Variants in ROR2 observed in about 807,000 individuals in gnomAD.
ROR2 encodes the protein tyrosine-protein kinase transmembrane receptor ROR2.
ROR2 carries 33 observed loss-of-function variants against 74.9 expected under a neutral mutation model. The ratio of observed to expected loss-of-function variants is 0.44; its 90% CI spans 0.33 to 0.59. ROR2 has a LOEUF of 0.59. Ranked by LOEUF, ROR2 falls within the 20% of genes least tolerant of loss-of-function variation. ROR2 has a pLI of 0.02. For synonymous variants in ROR2, 586 were observed against 558.7 expected (o/e 1.05, Z -0.69); for missense variants, 1,216 against 1,313.8 (o/e 0.93, Z 1.15).
At chr9:91,818,456 C>A (rs1828018065) in intron 1 of ROR2, among the ~76,000 whole-genome samples, 1 of 150,984 alleles carries the variant, frequency 6.6e-6, no homozygotes, top group Non-Finnish European at 1.5e-5. Flanking sequence ...CCACCACGCC[C>A]CCCCACCCCA....
At chr9:91,891,269 T>C (rs1480130269) in intron 1 of ROR2, among the ~76,000 whole-genome samples, 3 of 126,664 alleles carry the variant, frequency 2.4e-5, no homozygotes, top group Non-Finnish European at 5.0e-5. Context: ...TTTTTTTTTT[T>C]CTTCTTTTGA....
intron 1 of ROR2, among the ~76,000 whole-genome samples, chr9:91,946,658 G>A (rs987737073): frequency 4.6e-5 from 7 of 152,294 alleles, no homozygotes; most frequent in Admixed American, 1.3e-4. Flanking sequence ...ACTCTCCAAG[G>A]GAAAGGATTA....
chr9:91,905,214 CCAAACACCACTCAACA>C lies in ROR2; in HGVS notation c.97+44637_97+44652del, dbSNP rs1247327943. Reference sequence around the variant, plus strand: ...CACATACACAAACACCACATATACACCAAACACCACTCAACACAAACACCACATACAACACATACAC... The same window carrying C: ...CACATACACAAACACCACATATACACCAAACACCACATACAACACATACAC... On this transcript the variant is annotated intron_variant, in intron 1 of 8. Transcript: ENST00000375708. This position sits in a 1 kb window ranked among gnomAD's most constrained non-coding sequence, Gnocchi z 5.3. 1.3e-5 allele frequency among the ~76,000 whole-genome samples: 2 copies of C among 151,038 alleles called. No homozygotes were observed.
At chr9:91,753,094 T>C (rs1043654410) in intron 4 of ROR2, among the ~76,000 whole-genome samples, 1 of 152,222 alleles carries the variant, frequency 6.6e-6, no homozygotes, top group Non-Finnish European at 1.5e-5. Context: ...CAAACTGACC[T>C]AAAAATTCAT....
At chr9:91,841,921 C>T (rs565629305) in intron 1 of ROR2, among the ~76,000 whole-genome samples, 1 of 152,340 alleles carries the variant, frequency 6.6e-6, no homozygotes, top group South Asian at 2.1e-4. Context: ...TCTCTGTCTG[C>T]ATTTTCCAAA....
intron 4 of ROR2, among the ~76,000 whole-genome samples, chr9:91,738,157 G>A (rs973115500): frequency 5.3e-5 from 8 of 152,288 alleles, no homozygotes; most frequent in Admixed American, 4.6e-4. Context: ...ACTGATTTTA[G>A]TTAATAATAA....
At chr9:91,781,810 A>G (rs1214667781) in intron 1 of ROR2, among the ~76,000 whole-genome samples, 1 of 152,208 alleles carries the variant, frequency 6.6e-6, no homozygotes. Context: ...AAATGGAGTA[A>G]CCGTTTCACC....
chr9:91,744,428 T>C (rs1825345735), intron 4 of ROR2, among the ~76,000 whole-genome samples: 1 of 151,936 alleles, frequency 6.6e-6, no homozygotes, highest in Admixed American at 6.6e-5. Context: ...TCATCATATG[T>C]TGGCCAGGCT....
At chr9:91,926,362 G>A (rs1219759681) in intron 1 of ROR2, among the ~76,000 whole-genome samples, 2 of 148,816 alleles carry the variant, frequency 1.3e-5, no homozygotes, top group Admixed American at 6.8e-5. Flanking sequence ...TAGCCTGGGC[G>A]ACAGAGCAAG....
Position 91,755,383 on chromosome 9 carries a change from C to CCAA in ROR2, c.494+687_494+688insTTG, listed in dbSNP as rs1337429342. ...AGTGAAGCACTGCTCTCCAATATGTCTGAGGAGGAAATGCAGGAAACCCGG... is the reference window on the plus strand; with the variant it reads ...AGTGAAGCACTGCTCTCCAATATGTCCAATGAGGAGGAAATGCAGGAAACCCGG... On this transcript the variant is annotated intron_variant, in intron 4 of 8. Coordinates refer to ENST00000375708, the MANE Select transcript of ROR2 (RefSeq NM_004560.4). Among the ~76,000 whole-genome samples the CCAA allele has an allele frequency of 7.2e-5, 11 of 152,330 alleles. No homozygotes were observed. The East Asian group carries it at 1.7e-3, about 24-fold the overall frequency.
chr9:91,921,826 A>C (rs928694177), intron 1 of ROR2, among the ~76,000 whole-genome samples: 2 of 147,800 alleles, frequency 1.4e-5, no homozygotes. Context: ...GCGCCACTGC[A>C]CTCCAGCCTG....
intron 1 of ROR2, among the ~76,000 whole-genome samples, chr9:91,835,580 C>T (rs1828588359): frequency 6.6e-6 from 1 of 152,174 alleles, no homozygotes; most frequent in South Asian, 2.1e-4. Flanking sequence ...GAAAATGTTC[C>T]CAGTAAGGCT....
chr9:91,757,431 C>T lies in ROR2; in HGVS notation c.304G>A (p.Val102Met). The T allele has an allele frequency of 1.2e-6, 2 of 1,613,964 alleles. No homozygotes were observed. Among genetic ancestry groups the T allele is most frequent in the East Asian group, 2.2e-5 (1 of 44,858 alleles). Residue 102 changes from valine (V) to methionine (M), a missense_variant, in exon 3 of 9, where the codon GTG becomes ATG. Val to Met is a conservative substitution (Grantham distance 21, BLOSUM62 1). Coordinates refer to ENST00000375708, the MANE Select transcript of ROR2 (RefSeq NM_004560.4). ...ATGATCCGCCGCGGCTCCTGCACCA[C>T]CGGGGCATCATTCTTTAGCCACCGC... The part of the protein sequence containing the change: ...NVRWLKNDAP[V>M]VQEPRRIIIR...
At chr9:91,851,973 T>TG (rs575096382) in intron 1 of ROR2, among the ~76,000 whole-genome samples, 1 of 138,936 alleles carries the variant, frequency 7.2e-6, no homozygotes, top group Non-Finnish European at 1.6e-5. Context: ...AAGACTCTGT[T>TG]AAAAAAAAAA....
At chr9:91,918,985 C>T (rs552026008) in intron 1 of ROR2, among the ~76,000 whole-genome samples, 2 of 152,148 alleles carry the variant, frequency 1.3e-5, no homozygotes, top group Non-Finnish European at 2.9e-5. Flanking sequence ...CTTCCCCGCC[C>T]CTCTCTGCAG....
At chr9:91,814,886 A>T (rs966759761) in intron 1 of ROR2, among the ~76,000 whole-genome samples, 14 of 152,070 alleles carry the variant, frequency 9.2e-5, no homozygotes, top group Non-Finnish European at 1.9e-4. Context: ...CCCAGCTGAA[A>T]CCCAGGCCCG....
chr9:91,840,206 C>A (rs921118501), intron 1 of ROR2, among the ~76,000 whole-genome samples: 1 of 152,190 alleles, frequency 6.6e-6, no homozygotes. Context: ...CCCGGGAGAG[C>A]AAGGACCAGC....
intron 1 of ROR2, among the ~76,000 whole-genome samples, chr9:91,858,660 A>C (rs191527945): frequency 1.1e-3 from 174 of 152,328 alleles, no homozygotes; most frequent in African/African-American, 4.1e-3. Context: ...CAATATTGTC[A>C]CTTCGCTTAA....
At chr9:91,923,109 G>A (rs1398852778) in intron 1 of ROR2, among the ~76,000 whole-genome samples, 2 of 152,192 alleles carry the variant, frequency 1.3e-5, no homozygotes, top group Admixed American at 1.3e-4. Flanking sequence ...CACCTGGACA[G>A]AGAAGATGCC....
Sources: gnomAD v4.1 joint callset for allele counts (sites outside exome capture counted in the v4.1 genomes callset) on GRCh38, gnomAD v4.1.1 for gene constraint, Gnocchi (gnomAD v3.1) non-coding constraint, MANE v1.5 for transcripts, NCBI Gene and HGNC (gene_info 2026-07-23, HGNC 2026-07-21) for gene names.